LPP: variants seen among roughly 807,000 people sequenced by gnomAD.
The protein encoded by LPP is lipoma-preferred partner.
LPP carries 38 observed loss-of-function variants against 60.4 expected under a neutral mutation model. The observed-to-expected ratio is 0.63, with a 90% CI of 0.49 to 0.83. The LOEUF is 0.83. Among genes scored for constraint, LPP ranks in the 40% least tolerant of loss-of-function variants. The pLI, the probability that LPP is intolerant of heterozygous loss-of-function variation, is 0.00. For missense variants in LPP, 902 were observed against 783.6 expected (o/e 1.15, Z -1.80); for synonymous variants, 328 against 290.8 (o/e 1.13, Z -1.30).
At chr3:188,463,739 A>C (rs77304589) in intron 4 of LPP, among the ~76,000 whole-genome samples, 1 of 152,180 alleles carries the variant, frequency 6.6e-6, no homozygotes, top group African/African-American at 2.4e-5. Flanking sequence ...TGTACTAGCT[A>C]TCCAGCTCGT....
intron 2 of LPP, among the ~76,000 whole-genome samples, chr3:188,265,819 CAGTA>C (rs1735304027): frequency 6.7e-6 from 1 of 149,344 alleles, no homozygotes; most frequent in African/African-American, 2.5e-5. Context: ...TTTTGGTAAT[CAGTA>C]AGGAGCTGTC....
At chr3:188,375,454 G>C (rs1578431748) in intron 3 of LPP, among the ~76,000 whole-genome samples, 1 of 152,166 alleles carries the variant, frequency 6.6e-6, no homozygotes, top group African/African-American at 2.4e-5. Context: ...ATGTGTCGAG[G>C]AATTTATCCA....
At chr3:188,615,942 T>A (rs1844766400) in intron 7 of LPP, among the ~76,000 whole-genome samples, 1 of 152,202 alleles carries the variant, frequency 6.6e-6, no homozygotes, top group Admixed American at 6.5e-5. Context: ...TGTTTGTTTT[T>A]CTCTTGTAAA....
intron 1 of LPP, among the ~76,000 whole-genome samples, chr3:188,194,162 G>A (rs1201034120): frequency 6.6e-6 from 1 of 152,240 alleles, no homozygotes; most frequent in African/African-American, 2.4e-5. Flanking sequence ...GCTATTGAGG[G>A]AAGATGTTTT....
At chr3:188,224,582 T>C (rs1717025555) in intron 1 of LPP, among the ~76,000 whole-genome samples, 1 of 152,012 alleles carries the variant, frequency 6.6e-6, no homozygotes, top group Admixed American at 6.6e-5. Context: ...TGTAATTGGG[T>C]CATGGTTCTG....
chr3:188,442,919 C>A (rs954324363), intron 4 of LPP, among the ~76,000 whole-genome samples: 1 of 152,118 alleles, frequency 6.6e-6, no homozygotes, highest in African/African-American at 2.4e-5. Context: ...CTGATTGAGT[C>A]CAGGAGTCTT....
At chr3:188,246,883 C>T (rs1254672491) in intron 2 of LPP, among the ~76,000 whole-genome samples, 1 of 152,202 alleles carries the variant, frequency 6.6e-6, no homozygotes, top group Non-Finnish European at 1.5e-5. Context: ...AGGCATTTCT[C>T]TCTTTCTACA....
intron 1 of LPP, among the ~76,000 whole-genome samples, chr3:188,158,183 G>A (rs955350376): frequency 3.3e-5 from 5 of 152,096 alleles, no homozygotes; most frequent in Non-Finnish European, 5.9e-5. Context: ...ACCCTGGGCC[G>A]CGATTAGAGG....
At chr3:188,589,673 G>A (rs1301139510) in intron 6 of LPP, among the ~76,000 whole-genome samples, 1 of 152,040 alleles carries the variant, frequency 6.6e-6, no homozygotes, top group Non-Finnish European at 1.5e-5. Flanking sequence ...AAACTTGCGA[G>A]GCTCAAAGTA....
intron 7 of LPP, among the ~76,000 whole-genome samples, chr3:188,636,687 CT>C (rs1258277014): frequency 6.6e-6 from 1 of 152,064 alleles, no homozygotes; most frequent in African/African-American, 2.4e-5. Flanking sequence ...AGCAGTGGTT[CT>C]CCCAGCACGC....
rs532877869 is a variant in LPP, at chr3:188,445,719, C to T, written c.194-38873C>T. ...TTTGGAACTCATGATGTGCCAGGCA[C>T]TGTTTTAGGACCAGGAATAAGCAAT... On this transcript the variant is annotated intron_variant, in intron 4 of 11. Coordinates refer to ENST00000617246, the MANE Select transcript of LPP (RefSeq NM_001375462.1). Among the ~76,000 whole-genome samples the T allele has an allele frequency of 1.1e-4, 16 of 152,106 alleles. 1 individual carries two copies. The highest frequency in any genetic ancestry group is 3.3e-4 in the Admixed American group (5 of 15,282).
intron 6 of LPP, chr3:188,554,174 G>C (rs1225776846): frequency 6.6e-6 from 1 of 151,872 alleles, no homozygotes; most frequent in Non-Finnish European, 1.5e-5. Flanking sequence ...AAGATTTTCT[G>C]GAAGAATTTA....
At chr3:188,349,164 C>A (rs1017398316) in intron 3 of LPP, among the ~76,000 whole-genome samples, 1 of 152,086 alleles carries the variant, frequency 6.6e-6, no homozygotes. Flanking sequence ...TACCCTATTA[C>A]TCAATTCCTA....
intron 1 of LPP, among the ~76,000 whole-genome samples, chr3:188,199,579 C>G (rs1730476134): frequency 6.6e-6 from 1 of 152,152 alleles, no homozygotes; most frequent in African/African-American, 2.4e-5. Flanking sequence ...AGGAAAGGAT[C>G]AGTAGTTACG....
intron 1 of LPP, among the ~76,000 whole-genome samples, chr3:188,181,302 G>A (rs1429374595): frequency 6.8e-6 from 1 of 147,396 alleles, no homozygotes; most frequent in Non-Finnish European, 1.5e-5. Context: ...GCAGTGAGCT[G>A]AGATTGTATC....
chr3:188,386,348 T>C (rs1362894214), intron 3 of LPP, among the ~76,000 whole-genome samples: 2 of 152,080 alleles, frequency 1.3e-5, no homozygotes, highest in African/African-American at 4.8e-5. Context: ...CTCTACTGTC[T>C]TTCAGTAGAT....
At chr3:188,378,255 C>T (rs989965791) in intron 3 of LPP, among the ~76,000 whole-genome samples, 3 of 152,222 alleles carry the variant, frequency 2.0e-5, no homozygotes, top group Non-Finnish European at 4.4e-5. Context: ...ACATGTAAGT[C>T]TGCAGAGGTT....
intron 2 of LPP, among the ~76,000 whole-genome samples, chr3:188,314,954 TGGAGTGAAGAAC>T (rs1196175451): frequency 1.3e-5 from 2 of 152,184 alleles, no homozygotes; most frequent in Non-Finnish European, 2.9e-5. Context: ...TTGCCTTTTT[TGGAGTGAAGAAC>T]GGAGTGAAGA....
intron 9 of LPP, among the ~76,000 whole-genome samples, chr3:188,763,894 A>T (rs1733201261): frequency 1.3e-5 from 2 of 152,096 alleles, no homozygotes; most frequent in African/African-American, 4.8e-5. Context: ...GGACTTTTGC[A>T]TTACCTTGCT....
Sources: gnomAD v4.1 joint callset for allele counts (sites outside exome capture counted in the v4.1 genomes callset) on GRCh38, gnomAD v4.1.1 for gene constraint, MANE v1.5 for transcripts, NCBI Gene and HGNC (gene_info 2026-07-23, HGNC 2026-07-21) for gene names.